The following WWOX variants were observed in gnomAD, a reference collection of about 807,000 sequenced individuals.
WWOX encodes the protein WW domain-containing oxidoreductase.
A neutral mutation model predicts 46.2 loss-of-function variants in WWOX; 69 were observed. That is an observed-to-expected ratio of 1.49 (90% CI 1.23 to 1.82). The LOEUF is 1.82. Among genes scored for constraint, WWOX ranks in the 40% most tolerant of loss-of-function variants. WWOX has a pLI of 0.00. For synonymous variants in WWOX, 359 were observed against 202.6 expected (o/e 1.77, Z -6.56); for missense variants, 919 against 542.6 (o/e 1.69, Z -6.89).
At chr16:78,829,806 C>T (rs941774554) in intron 8 of WWOX, among the ~76,000 whole-genome samples, 1 of 152,274 alleles carries the variant, frequency 6.6e-6, no homozygotes, top group Admixed American at 6.5e-5. Context: ...ATTGGAACTC[C>T]TAATTCCAGA....
At chr16:78,509,075 G>A (rs546996176) in intron 8 of WWOX, among the ~76,000 whole-genome samples, 2 of 152,374 alleles carry the variant, frequency 1.3e-5, no homozygotes, top group East Asian at 1.9e-4. Flanking sequence ...AGTGGGCACT[G>A]TTTCCAGTGT....
At chr16:79,189,937 G>C (rs7186097) in intron 8 of WWOX, among the ~76,000 whole-genome samples, 20 of 149,452 alleles carry the variant, frequency 1.3e-4, no homozygotes, top group African/African-American at 2.2e-4. Flanking sequence ...GTGGGGAAGG[G>C]GGGGGGGATA....
chr16:78,358,426 G>A (rs137861438), intron 5 of WWOX, among the ~76,000 whole-genome samples: 51 of 152,306 alleles, frequency 3.3e-4, no homozygotes, highest in African/African-American at 1.2e-3. Context: ...GGGAGGCTGA[G>A]GTGGGCAGAT....
intron 8 of WWOX, among the ~76,000 whole-genome samples, chr16:78,963,903 T>C (rs1288786584): frequency 6.6e-6 from 1 of 152,146 alleles, no homozygotes; most frequent in Admixed American, 6.5e-5. Context: ...GTGTTTCCCA[T>C]GTTATTCTTA....
intron 8 of WWOX, among the ~76,000 whole-genome samples, chr16:78,475,369 G>A (rs1270776271): frequency 6.6e-6 from 1 of 152,124 alleles, no homozygotes. Context: ...TATTAGTGTT[G>A]CTGAGATAGG....
Position 79,039,554 on chromosome 16 carries a change from GGTCGAGGTGTCCATT to G in WWOX, c.1057-172050_1057-172036del, listed in dbSNP as rs571329884. 3.4e-4 allele frequency among the ~76,000 whole-genome samples: 52 copies of G among 152,334 alleles called. 2 individuals carry two copies. In the South Asian group the frequency reaches 0.011, roughly 32 times the overall value. On this transcript the variant is annotated intron_variant, in intron 8 of 8. Transcript: ENST00000566780. Reference sequence around the variant, plus strand: ...TCCTTTTGCCCATGACTGTGTCCATGGTCGAGGTGTCCATTGTCACTGTTGCCAGATGCCAGCACT... The same window carrying G: ...TCCTTTTGCCCATGACTGTGTCCATGGTCACTGTTGCCAGATGCCAGCACT...
chr16:78,203,412 A>C (rs1224125887), intron 5 of WWOX, among the ~76,000 whole-genome samples: 1 of 152,178 alleles, frequency 6.6e-6, no homozygotes, highest in Non-Finnish European at 1.5e-5. Flanking sequence ...GGAGAAGAGA[A>C]ATTTGTTAGG....
chr16:79,170,729 T>C (rs1296575926), intron 8 of WWOX, among the ~76,000 whole-genome samples: 1 of 152,204 alleles, frequency 6.6e-6, no homozygotes, highest in Non-Finnish European at 1.5e-5. Flanking sequence ...ATGATTTTTT[T>C]TTCTTTTTCT....
At chr16:78,381,004 C>G (rs942375764) in intron 5 of WWOX, among the ~76,000 whole-genome samples, 1 of 152,164 alleles carries the variant, frequency 6.6e-6, no homozygotes, top group South Asian at 2.1e-4. Context: ...TATGCTCATT[C>G]ATAATTAAGG....
intron 1 of WWOX, among the ~76,000 whole-genome samples, chr16:78,105,756 C>A (rs1041364099): frequency 1.2e-4 from 18 of 152,180 alleles, no homozygotes; most frequent in Middle Eastern, 3.2e-3. Context: ...GCCAGCCTGC[C>A]TGCCAACAAG....
intron 5 of WWOX, among the ~76,000 whole-genome samples, chr16:78,191,089 T>A (rs741595): frequency 0.35 from 52,901 of 152,010 alleles, 9,704 homozygotes; most frequent in African/African-American, 0.45. Context: ...AACCGCAGTG[T>A]TGAGGACTAG....
intron 8 of WWOX, among the ~76,000 whole-genome samples, chr16:78,867,409 C>G (rs183844161): frequency 3.5e-4 from 54 of 152,178 alleles, no homozygotes; most frequent in Middle Eastern, 3.4e-3. Flanking sequence ...CAACTGGTGA[C>G]TCTTCATAAT....
intron 5 of WWOX, among the ~76,000 whole-genome samples, chr16:78,330,197 A>C (rs2080722182): frequency 6.6e-6 from 1 of 152,210 alleles, no homozygotes; most frequent in African/African-American, 2.4e-5. Context: ...CATTTTTATA[A>C]TTGCTGATTT....
At chr16:78,639,851 C>A (rs1465829253) in intron 8 of WWOX, among the ~76,000 whole-genome samples, 1 of 152,172 alleles carries the variant, frequency 6.6e-6, no homozygotes, top group Non-Finnish European at 1.5e-5. Context: ...CAGGTGTGAG[C>A]CACCATGCTA....
intron 8 of WWOX, among the ~76,000 whole-genome samples, chr16:79,116,583 T>G (rs1597389392): frequency 1.3e-5 from 2 of 152,128 alleles, no homozygotes; most frequent in East Asian, 3.9e-4. Context: ...TTGCAGCAAT[T>G]TAGTCACATC....
rs373482721 is a variant in WWOX, at chr16:78,268,226, A to G, written c.516+103937A>G. 5.8e-4 allele frequency among the ~76,000 whole-genome samples: 89 copies of G among 152,370 alleles called. 1 individual carries two copies. The highest frequency in any genetic ancestry group is 1.8e-3 in the African/African-American group (74 of 41,584). On this transcript the variant is annotated intron_variant, in intron 5 of 8. Coordinates refer to ENST00000566780, the MANE Select transcript of WWOX (RefSeq NM_016373.4). ...AAAGTGGCTACAAATAAAAGGGAAA[A>G]TATAGTATTCCTTAAAAAAAAAGTA...
intron 5 of WWOX, among the ~76,000 whole-genome samples, chr16:78,209,765 A>G (rs2036501306): frequency 6.6e-6 from 1 of 151,802 alleles, no homozygotes; most frequent in African/African-American, 2.4e-5. Context: ...GAAACCTTGA[A>G]TAATCATGTA....
chr16:78,473,609 C>G (rs141964196), intron 8 of WWOX, among the ~76,000 whole-genome samples: 4 of 150,794 alleles, frequency 2.7e-5, no homozygotes, highest in Non-Finnish European at 5.9e-5. Context: ...TCCCTCCTTT[C>G]CTAAGAAAAT....
chr16:78,706,378 C>G (rs777668083), intron 8 of WWOX, among the ~76,000 whole-genome samples: 3 of 152,082 alleles, frequency 2.0e-5, no homozygotes, highest in Non-Finnish European at 4.4e-5. Flanking sequence ...AAATTAGATG[C>G]CTTCTCCAGG....
Sources: allele counts gnomAD v4.1 joint callset (sites outside exome capture counted in the v4.1 genomes callset), GRCh38; gene constraint gnomAD v4.1.1; transcripts MANE v1.5; gene names NCBI Gene and HGNC (gene_info 2026-07-23, HGNC 2026-07-21).